PMM2: variants seen among roughly 807,000 people sequenced by gnomAD.
PMM2 encodes phosphomannomutase 2.
A neutral mutation model predicts 33.2 loss-of-function variants in PMM2; 35 were observed. The observed-to-expected ratio is 1.06, with a 90% confidence interval of 0.81 to 1.40. The LOEUF (loss-of-function observed/expected upper bound fraction) is 1.40. Ranked by LOEUF, PMM2 falls within the 40% of genes most tolerant of loss-of-function variation. PMM2 has a pLI of 0.00. For synonymous variants in PMM2, 153 were observed against 114.7 expected (o/e 1.33, Z -2.13); for missense variants, 386 against 306.0 (o/e 1.26, Z -1.95).
At position 8,804,758 on chromosome 16, in the gene PMM2, T is replaced by C; in HGVS notation, c.179-9T>C. 6.2e-7 allele frequency: 1 copy of C among 1,606,598 alleles called. No individual in the cohort carries two copies. The highest frequency in any genetic ancestry group is 8.5e-7 in the Non-Finnish European group (1 of 1,173,102). On this transcript the variant is annotated splice_polypyrimidine_tract_variant and intron_variant, in intron 2 of 7. Transcript: ENST00000268261. ...TGCATTCTAAGTGTTTTTTTGGTTT[T>C]GATTGTAGTGGTTGAAAAATACGAT...
chr16:8,801,734 T>G (rs565108009), intron 1 of PMM2, 65 bp from the exon 2 acceptor site: 6 of 1,007,002 alleles, frequency 6.0e-6, no homozygotes, highest in Non-Finnish European at 9.2e-6. Flanking sequence ...GTGTTACCCT[T>G]AGAGTTTTGG....
chr16:8,847,692 G>C, intron 7 of PMM2, 32 bp from the exon 8 acceptor site: 1 of 1,497,106 alleles, frequency 6.7e-7, no homozygotes, highest in Non-Finnish European at 9.3e-7. Flanking sequence ...CAGACGAGGG[G>C]GAGCCTTCAT....
At chr16:8,810,819 A>G (rs958647627) in intron 4 of PMM2, 3 of 515,050 alleles carry the variant, frequency 5.8e-6, no homozygotes, top group South Asian at 4.2e-5. Flanking sequence ...ACACAAAGTC[A>G]ATATACAACA....
chr16:8,840,940 C>T (rs934178125), intron 7 of PMM2, among the ~76,000 whole-genome samples: 1 of 151,954 alleles, frequency 6.6e-6, no homozygotes, highest in Non-Finnish European at 1.5e-5. Flanking sequence ...GACTGGAAGA[C>T]AGTCGCCTAG....
intron 5 of PMM2, among the ~76,000 whole-genome samples, chr16:8,811,414 T>C (rs2060677096): frequency 6.6e-6 from 1 of 152,112 alleles, no homozygotes; most frequent in Non-Finnish European, 1.5e-5. Flanking sequence ...CGGCTATTTG[T>C]TTGGCTGAGG....
At chr16:8,840,968 T>A (rs1054136958) in intron 7 of PMM2, among the ~76,000 whole-genome samples, 1 of 151,950 alleles carries the variant, frequency 6.6e-6, no homozygotes, top group East Asian at 1.9e-4. Flanking sequence ...GTGTCTGGGA[T>A]GAGGTTGGGG....
chr16:8,806,553 A>T, intron 4 of PMM2, 146 bp downstream of exon 4: 1 of 685,590 alleles, frequency 1.5e-6, no homozygotes, highest in Non-Finnish European at 2.6e-6. Flanking sequence ...GCCCCTTGGC[A>T]ATTCTGGTTC....
intron 7 of PMM2, among the ~76,000 whole-genome samples, chr16:8,826,877 A>G (rs1016280056): frequency 2.0e-4 from 31 of 152,112 alleles, no homozygotes; most frequent in African/African-American, 6.5e-4. Flanking sequence ...GACTTGTCCT[A>G]TGTGTCCCTC....
chr16:8,803,991 G>T (rs938195168), intron 2 of PMM2, among the ~76,000 whole-genome samples: 12 of 145,760 alleles, frequency 8.2e-5, no homozygotes, highest in Non-Finnish European at 1.4e-4. Context: ...GCCACCAAAG[G>T]TCTTTTAGTG....
intron 7 of PMM2, among the ~76,000 whole-genome samples, chr16:8,836,152 G>A (rs1219833945): frequency 7.1e-6 from 1 of 141,146 alleles, no homozygotes; most frequent in Non-Finnish European, 1.6e-5. Flanking sequence ...TGAAAAGAAG[G>A]TAATGTGGAG....
chr16:8,812,877 A>C (rs1034480076), intron 6 of PMM2, 114 bp from the exon 7 acceptor site: 213 of 749,338 alleles, frequency 2.8e-4, no homozygotes, highest in Non-Finnish European at 1.1e-4. Flanking sequence ...AGAGTACTGA[A>C]AATCAACCTT....
chr16:8,798,013 A>G (rs753247783), intron 1 of PMM2, 65 bp downstream of exon 1: 111 of 1,493,556 alleles, frequency 7.4e-5, no homozygotes, highest in Non-Finnish European at 9.3e-5. Flanking sequence ...AGTTGGGGCT[A>G]TCGACCACCC....
intron 1 of PMM2, among the ~76,000 whole-genome samples, chr16:8,799,123 A>G (rs2060596505): frequency 6.6e-6 from 1 of 152,196 alleles, no homozygotes; most frequent in Non-Finnish European, 1.5e-5. Flanking sequence ...TATGTGGTCT[A>G]TAGTAACCAC....
At chr16:8,832,690 A>G in intron 7 of PMM2, 1 of 985,450 alleles carries the variant, frequency 1.0e-6, no homozygotes, top group Non-Finnish European at 1.2e-6. Context: ...TTCTCCAGAA[A>G]GATCCTGTTG....
At chr16:8,798,050 G>T in intron 1 of PMM2, 102 bp downstream of exon 1, 1 of 1,099,374 alleles carries the variant, frequency 9.1e-7, no homozygotes, top group Non-Finnish European at 1.3e-6. Flanking sequence ...GGTGGCTAAG[G>T]ACCGCCTACG....
At chr16:8,831,290 A>T (rs552380171) in intron 7 of PMM2, among the ~76,000 whole-genome samples, 21 of 152,316 alleles carry the variant, frequency 1.4e-4, no homozygotes, top group African/African-American at 5.1e-4. Flanking sequence ...CTCAGTTATA[A>T]TTTTTGCAAA....
chr16:8,818,547 C>T (rs770752632), intron 7 of PMM2, among the ~76,000 whole-genome samples: 11 of 152,096 alleles, frequency 7.2e-5, no homozygotes, highest in African/African-American at 2.2e-4. Flanking sequence ...ATGTTTTTGC[C>T]GGCGTCCAGG....
At chr16:8,827,947 ATATATATTTATAAATT>A (rs1451220940) in intron 7 of PMM2, among the ~76,000 whole-genome samples, 15 of 97,582 alleles carry the variant, frequency 1.5e-4, no homozygotes, top group African/African-American at 4.0e-4. Flanking sequence ...ATTTATAAAT[ATATATATTTATAAATT>A]TATATATATA....
At chr16:8,844,704 C>A (rs181201939) in intron 7 of PMM2, among the ~76,000 whole-genome samples, 3 of 152,196 alleles carry the variant, frequency 2.0e-5, no homozygotes, top group South Asian at 2.1e-4. Context: ...CTTCCCAGTC[C>A]GTGACCGGCG....
Sources: allele counts gnomAD v4.1 joint callset (sites outside exome capture counted in the v4.1 genomes callset), GRCh38; gene constraint gnomAD v4.1.1; transcripts MANE v1.5; gene names NCBI Gene and HGNC (gene_info 2026-07-23, HGNC 2026-07-21).